EIF4A3: variants seen among roughly 807,000 people sequenced by gnomAD.
EIF4A3 encodes eukaryotic initiation factor 4A-III.
Under a neutral mutation model 55.6 loss-of-function variants are expected in EIF4A3, and 1 was observed. That is an observed-to-expected ratio of 0.02 (90% confidence interval 0.01 to 0.09). EIF4A3 has a LOEUF of 0.09. Among genes scored for constraint, EIF4A3 ranks in the 10% least tolerant of loss-of-function variants. The pLI, the probability that EIF4A3 is intolerant of heterozygous loss-of-function variation, is 1.00. For synonymous variants in EIF4A3, 194 were observed against 196.3 expected (o/e 0.99, Z 0.10); for missense variants, 221 against 540.7 (o/e 0.41, Z 5.86).
chr17:80,141,728 A>G, intron 3 of EIF4A3, 54 bp downstream of exon 3: 1 of 1,544,266 alleles, frequency 6.5e-7, no homozygotes, highest in Non-Finnish European at 8.9e-7. Flanking sequence ...ACAGAAGAAA[A>G]AGCAAGTATT....
rs928308131 is a variant in EIF4A3, at chr17:80,138,425, C to G, written c.729-145G>C. ...GACCCAGCAGCCCCAGCCCTGTCCT[C>G]CATCCTATCACCACTTCCGTCACAC... On this transcript the variant is annotated intron_variant, in intron 7 of 11. Transcript: ENST00000649764. The G allele has an allele frequency of 4.6e-6, 4 of 868,372 alleles. No individual in the cohort carries two copies. In the African/African-American group the frequency reaches 5.1e-5, roughly 11 times the overall value. The allele number at this position is 868,372 out of a possible 1,614,324, so 53.8% of individuals were successfully genotyped here.
At position 80,144,467 on chromosome 17, in the gene EIF4A3, T is replaced by C. The variant is rs2304855; in HGVS notation, c.170-223A>G. 2.0e-5 allele frequency among the ~76,000 whole-genome samples: 3 copies of C among 151,188 alleles called. No homozygotes were observed. The East Asian group carries it at 5.9e-4, about 30-fold the overall frequency. On this transcript the variant is annotated intron_variant, in intron 1 of 11. Transcript: ENST00000649764. ...ATTTGTAAAGACCAATCTCTATTTT[T>C]AAAAAACCACCAAATTGTAGAATAT... is the stretch of plus-strand genomic sequence containing the variant.
Position 80,134,582 on chromosome 17 carries a change from G to A in EIF4A3, c.*908C>T, listed in dbSNP as rs1033504372. Reference sequence around the variant, plus strand: ...CTCACACCTGTTATCCCAGCACTTTGTAAGGCCAAGATGGGAGAATCACTT... The same window carrying A: ...CTCACACCTGTTATCCCAGCACTTTATAAGGCCAAGATGGGAGAATCACTT... On this transcript the variant is annotated 3_prime_UTR_variant, in exon 12 of 12. Transcript: ENST00000649764. Among the ~76,000 whole-genome samples the A allele has an allele frequency of 6.6e-6, 1 of 151,994 alleles. No individual in the cohort carries two copies. The highest frequency in any genetic ancestry group is 1.5e-5 in the Non-Finnish European group (1 of 68,008).
intron 9 of EIF4A3, 49 bp from the exon 10 acceptor site, chr17:80,136,384 TAAG>T: frequency 6.8e-7 from 1 of 1,478,290 alleles, no homozygotes; most frequent in Non-Finnish European, 9.3e-7. Context: ...CATACAAGTG[TAAG>T]ACTGGACTTG....
chr17:80,135,789 G>A (rs1287295318), intron 11 of EIF4A3: 15 of 632,580 alleles, frequency 2.4e-5, no homozygotes, highest in Non-Finnish European at 2.4e-5. Flanking sequence ...CAGCTACTCA[G>A]GAGGCTGAGG....
chr17:80,143,723 A>C (rs1468093086), intron 2 of EIF4A3, among the ~76,000 whole-genome samples: 1 of 152,168 alleles, frequency 6.6e-6, no homozygotes, highest in East Asian at 1.9e-4. Context: ...TCATGCCTGA[A>C]ATCCCAGCAC....
At chr17:80,141,463 G>T in intron 3 of EIF4A3, 82 bp from the exon 4 acceptor site, 1 of 1,335,186 alleles carries the variant, frequency 7.5e-7, no homozygotes, top group Non-Finnish European at 1.1e-6. Context: ...AGATCTATAT[G>T]AGAAATACTA....
Position 80,146,817 on chromosome 17 carries a change from G to A in EIF4A3, c.145C>T (p.Leu49=), listed in dbSNP as rs771577924. The A allele has an allele frequency of 8.1e-6, 13 of 1,610,158 alleles. No homozygotes were observed. The East Asian group carries it at 1.8e-4, about 22-fold the overall frequency. The change falls in exon 1 of 12, where the codon CTG becomes TTG. Residue 49 remains leucine (L), a synonymous_variant. Transcript: ENST00000649764. ...TFDTMGLRED[L]LRGIYAYGFE... ...CCGTAAGCGTAGATGCCCCGCAGCA[G>A]GTCCTCCCGCAGGCCCATGGTGTCG...
At chr17:80,138,061 TG>T in intron 8 of EIF4A3, 80 bp downstream of exon 8, 2 of 1,546,718 alleles carry the variant, frequency 1.3e-6, no homozygotes, top group Non-Finnish European at 1.8e-6. Context: ...GGCCCTTTAC[TG>T]AAAAATCTTG....
chr17:80,142,676 T>C (rs2039627739), intron 2 of EIF4A3, among the ~76,000 whole-genome samples: 1 of 151,814 alleles, frequency 6.6e-6, no homozygotes, highest in Admixed American at 6.6e-5. Context: ...TCCTCGAAGT[T>C]AGAGGTTGCA....
At chr17:80,145,696 C>T (rs73438136) in intron 1 of EIF4A3, among the ~76,000 whole-genome samples, 2 of 152,048 alleles carry the variant, frequency 1.3e-5, no homozygotes, top group East Asian at 1.9e-4. Context: ...CTTCTCCAGG[C>T]TCTCCCTCAA....
At position 80,139,013 on chromosome 17, in the gene EIF4A3, G is replaced by C. The variant is rs537273424; in HGVS notation, c.728+8C>G. The C allele has an allele frequency of 2.4e-4, 393 of 1,613,330 alleles. 3 individuals carry two copies. The South Asian group carries it at 4.0e-3, about 16-fold the overall frequency. ...TGTTTTAGTAAACTTGACAAGAGGG[G>C]CTCCTACCGTTTCACCAAGATGCGG... On this transcript the variant is annotated splice_region_variant and intron_variant, in intron 7 of 11. Coordinates refer to ENST00000649764, the MANE Select transcript of EIF4A3 (RefSeq NM_014740.4).
intron 11 of EIF4A3, 29 bp from the exon 12 acceptor site, chr17:80,135,535 G>A (rs2039563442): frequency 2.0e-6 from 3 of 1,535,698 alleles, no homozygotes; most frequent in Non-Finnish European, 1.8e-6. Context: ...ACAGATTAAG[G>A]AACAACACAA....
intron 1 of EIF4A3, among the ~76,000 whole-genome samples, chr17:80,145,488 C>T (rs2039651656): frequency 6.6e-6 from 1 of 152,096 alleles, no homozygotes; most frequent in Non-Finnish European, 1.5e-5. Context: ...CGCTTGAGCC[C>T]CAGAAGTGGA....
intron 6 of EIF4A3, 130 bp from the exon 7 acceptor site, chr17:80,139,292 T>C: frequency 7.9e-7 from 1 of 1,260,426 alleles, no homozygotes; most frequent in South Asian, 1.5e-5. Context: ...GAAATCTCAT[T>C]TTTACAGCAC....
chr17:80,145,209 T>A (rs1396153078), intron 1 of EIF4A3, among the ~76,000 whole-genome samples: 1 of 152,156 alleles, frequency 6.6e-6, no homozygotes, highest in African/African-American at 2.4e-5. Flanking sequence ...CCTGAGATGC[T>A]TTTTCACCAC....
intron 8 of EIF4A3, 41 bp from the exon 9 acceptor site, chr17:80,137,542 C>A (rs748124727): frequency 6.5e-7 from 1 of 1,537,226 alleles, no homozygotes; most frequent in Admixed American, 1.7e-5. Context: ...AGCTAGTATA[C>A]CAAAGCAGAG....
intron 9 of EIF4A3, 37 bp from the exon 10 acceptor site, chr17:80,136,372 C>T: frequency 9.1e-6 from 14 of 1,544,054 alleles, no homozygotes; most frequent in South Asian, 2.3e-5. Flanking sequence ...GATTAAATTA[C>T]TCATACAAGT....
At position 80,147,084 on chromosome 17, in the gene EIF4A3, G is replaced by GCTGTGCCGCTGCCGACCTCA; in HGVS notation, c.-124_-123insTGAGGTCGGCAGCGGCACAG. On this transcript the variant is annotated 5_prime_UTR_variant, in exon 1 of 12. Coordinates refer to ENST00000649764, the MANE Select transcript of EIF4A3 (RefSeq NM_014740.4). ...ACCTCGCTGTGCCGCTGCCGACCTC[G>GCTGTGCCGCTGCCGACCTCA]CTGTGCCGCTGCCGACCTCGCTGTG... The GCTGTGCCGCTGCCGACCTCA allele has an allele frequency of 2.3e-6, 3 of 1,326,548 alleles. No individual in the cohort carries two copies. The highest frequency in any genetic ancestry group is 2.9e-6 in the Non-Finnish European group (3 of 1,031,644). 82.2% of individuals were successfully genotyped at this position (1,326,548 alleles called of 1,614,324 possible).
Sources: gnomAD v4.1 joint callset for allele counts (sites outside exome capture counted in the v4.1 genomes callset) on GRCh38, gnomAD v4.1.1 for gene constraint, MANE v1.5 for transcripts, NCBI Gene and HGNC (gene_info 2026-07-23, HGNC 2026-07-21) for gene names.